Variants in GRM8 observed in about 807,000 individuals in gnomAD.
GRM8 encodes the protein glutamate metabotropic receptor 8.
In GRM8, 47 loss-of-function variants were observed where a neutral mutation model predicts 87.2. That is an observed-to-expected ratio of 0.54 (90% confidence interval 0.43 to 0.69). GRM8 has a LOEUF of 0.69. GRM8 is among the 30% of genes least tolerant of loss of function. GRM8 has a pLI of 0.00. For missense variants in GRM8, 1,019 were observed against 1,139.2 expected (o/e 0.89, Z 1.52); for synonymous variants, 396 against 404.5 (o/e 0.98, Z 0.25).
chr7:127,194,827 A>T (rs1795200157), intron 2 of GRM8, among the ~76,000 whole-genome samples: 1 of 152,296 alleles, frequency 6.6e-6, no homozygotes, highest in Middle Eastern at 3.4e-3. Context: ...ACTTTATATC[A>T]AAAGGATTAA....
chr7:126,943,973 A>C (rs778472112), intron 3 of GRM8, among the ~76,000 whole-genome samples: 1 of 152,228 alleles, frequency 6.6e-6, no homozygotes, highest in Non-Finnish European at 1.5e-5. Context: ...TGAGATGAAA[A>C]TGTATATTAA....
chr7:126,994,599 T>C (rs1440690218), intron 3 of GRM8, among the ~76,000 whole-genome samples: 3 of 152,044 alleles, frequency 2.0e-5, no homozygotes, highest in Non-Finnish European at 4.4e-5. Flanking sequence ...AGTGGTGGCC[T>C]GGAAAAACTC....
intron 9 of GRM8, among the ~76,000 whole-genome samples, chr7:126,461,622 A>T (rs550701905): frequency 1.3e-5 from 2 of 151,638 alleles, no homozygotes; most frequent in African/African-American, 4.8e-5. Flanking sequence ...ATTCAACTCT[A>T]CATCCTCTTT....
At chr7:126,828,354 G>T (rs572073936) in intron 6 of GRM8, among the ~76,000 whole-genome samples, 1,833 of 151,570 alleles carry the variant, frequency 0.012, 43 homozygotes, top group East Asian at 0.069. Flanking sequence ...GACTCTTTTT[G>T]GTTGGTAAGC....
At chr7:126,494,995 A>G (rs942818759) in intron 9 of GRM8, among the ~76,000 whole-genome samples, 2 of 152,064 alleles carry the variant, frequency 1.3e-5, no homozygotes, top group African/African-American at 4.8e-5. Context: ...AATACCAAAA[A>G]CATTAAATTA....
intron 2 of GRM8, among the ~76,000 whole-genome samples, chr7:127,190,069 A>T (rs1342729585): frequency 6.6e-6 from 1 of 152,210 alleles, no homozygotes; most frequent in African/African-American, 2.4e-5. Flanking sequence ...GTCTGCAGTC[A>T]GCTGGCAGTT....
intron 8 of GRM8, among the ~76,000 whole-genome samples, chr7:126,594,538 CAG>C (rs1326815187): frequency 6.6e-6 from 1 of 151,886 alleles, no homozygotes; most frequent in Non-Finnish European, 1.5e-5. Flanking sequence ...TAGAAAGATG[CAG>C]AGAGTAGAAT....
intron 7 of GRM8, among the ~76,000 whole-genome samples, chr7:126,714,862 AAAGT>A (rs1382965634): frequency 6.6e-6 from 1 of 152,214 alleles, no homozygotes; most frequent in Admixed American, 6.5e-5. Context: ...TTCTTACAAT[AAAGT>A]AAGCTAGAGA....
At chr7:126,444,664 T>A (rs17149779) in intron 10 of GRM8, among the ~76,000 whole-genome samples, 6,728 of 152,132 alleles carry the variant, frequency 0.044, 443 homozygotes, top group African/African-American at 0.14. Flanking sequence ...AGACAATGCT[T>A]ATCTAGAAAT....
Position 126,842,500 on chromosome 7 carries a change from T to G in GRM8, c.1156+60042A>C, listed in dbSNP as rs146985876. Among the ~76,000 whole-genome samples, 201 of 152,360 alleles carry G rather than the reference T, an allele frequency of 1.3e-3. 8 individuals carry two copies. The East Asian group carries it at 0.033, about 25-fold the overall frequency. On this transcript the variant is annotated intron_variant, in intron 6 of 10. Transcript: ENST00000339582. ...GCCTGCCACCAAAGATGTTCATGTC[T>G]TTCTCCCTTGAACGTGTGAATGTAT...
At chr7:126,578,504 A>C (rs1795308341) in intron 8 of GRM8, among the ~76,000 whole-genome samples, 1 of 152,132 alleles carries the variant, frequency 6.6e-6, no homozygotes, top group Non-Finnish European at 1.5e-5. Context: ...GGTGGTGAGG[A>C]GGGCAGAGGC....
chr7:126,598,908 C>A (rs1023545921), intron 8 of GRM8, among the ~76,000 whole-genome samples: 13 of 152,106 alleles, frequency 8.5e-5, no homozygotes, highest in African/African-American at 3.1e-4. Flanking sequence ...TAAGATGGTC[C>A]TCTGTTCTGG....
At chr7:126,652,612 C>T (rs1804032402) in intron 7 of GRM8, among the ~76,000 whole-genome samples, 1 of 152,146 alleles carries the variant, frequency 6.6e-6, no homozygotes, top group African/African-American at 2.4e-5. Context: ...ACTAGACTGG[C>T]TTAGCCTCCA....
At chr7:126,470,804 C>A (rs1014558414) in intron 9 of GRM8, among the ~76,000 whole-genome samples, 12 of 152,290 alleles carry the variant, frequency 7.9e-5, no homozygotes, top group Middle Eastern at 3.4e-3. Flanking sequence ...TACAGTCCCA[C>A]CAACAGTGTA....
At chr7:126,940,187 A>G (rs1461806359) in intron 3 of GRM8, among the ~76,000 whole-genome samples, 2 of 152,116 alleles carry the variant, frequency 1.3e-5, no homozygotes, top group African/African-American at 4.8e-5. Context: ...CTGCAATTCC[A>G]ATTATTTATC....
chr7:127,164,989 G>T (rs570044409), intron 2 of GRM8, among the ~76,000 whole-genome samples: 2 of 151,352 alleles, frequency 1.3e-5, no homozygotes, highest in African/African-American at 4.8e-5. Context: ...TTCAGTCAAC[G>T]TTAGGTACTA....
chr7:126,887,377 T>A (rs972114447), intron 6 of GRM8, among the ~76,000 whole-genome samples: 20 of 152,178 alleles, frequency 1.3e-4, no homozygotes, highest in African/African-American at 4.8e-4. Context: ...AGGAAAAAGA[T>A]TTTTGGCCAC....
At chr7:126,845,453 A>G (rs1437130783) in intron 6 of GRM8, among the ~76,000 whole-genome samples, 2 of 152,152 alleles carry the variant, frequency 1.3e-5, no homozygotes, top group African/African-American at 4.8e-5. Flanking sequence ...TTTATCCCAA[A>G]GGAGTAAAAA....
intron 7 of GRM8, among the ~76,000 whole-genome samples, chr7:126,762,540 G>A (rs911215146): frequency 6.6e-6 from 1 of 152,004 alleles, no homozygotes; most frequent in African/African-American, 2.4e-5. Flanking sequence ...GCTAAGTATG[G>A]GAAAAACGTT....
Sources: gnomAD v4.1 joint callset for allele counts (sites outside exome capture counted in the v4.1 genomes callset) on GRCh38, gnomAD v4.1.1 for gene constraint, MANE v1.5 for transcripts, NCBI Gene and HGNC (gene_info 2026-07-23, HGNC 2026-07-21) for gene names.